Variants in CCDC91 observed in about 807,000 individuals in gnomAD.
CCDC91 encodes coiled-coil domain containing 91, also known as coiled-coil domain-containing protein 91.
A neutral mutation model predicts 63.2 loss-of-function variants in CCDC91; 48 were observed. The observed-to-expected ratio is 0.76, with a 90% CI of 0.60 to 0.97. The LOEUF is 0.97. CCDC91 is among the 50% of genes least tolerant of loss of function. The pLI is 0.00. For missense variants in CCDC91, 500 were observed against 494.6 expected (o/e 1.01, Z -0.10); for synonymous variants, 167 against 165.8 (o/e 1.01, Z -0.06).
At chr12:28,237,265 CAT>C (rs1491297699) in intron 1 of CCDC91, among the ~76,000 whole-genome samples, 92 of 151,362 alleles carry the variant, frequency 6.1e-4, no homozygotes, top group Admixed American at 1.7e-3. Context: ...CACACACACA[CAT>C]TTTTTAAAAA....
At chr12:28,386,221 T>G (rs1311183051) in intron 7 of CCDC91, among the ~76,000 whole-genome samples, 1 of 152,198 alleles carries the variant, frequency 6.6e-6, no homozygotes, top group Non-Finnish European at 1.5e-5. Flanking sequence ...TATATATTTA[T>G]GTAATATCAG....
chr12:28,335,139 T>C (rs1202085801), intron 6 of CCDC91, among the ~76,000 whole-genome samples: 1 of 142,320 alleles, frequency 7.0e-6, no homozygotes, highest in Non-Finnish European at 1.5e-5. Flanking sequence ...ATATTTATAT[T>C]ATATATATTT....
chr12:28,391,263 G>A (rs1945924852), intron 7 of CCDC91, 41 bp from the exon 8 acceptor site: 1 of 1,250,658 alleles, frequency 8.0e-7, no homozygotes, highest in Non-Finnish European at 1.2e-6. Context: ...AGATTCCCAA[G>A]TTTTGTCTGT....
intron 7 of CCDC91, among the ~76,000 whole-genome samples, chr12:28,375,315 T>A (rs186275210): frequency 8.8e-4 from 134 of 152,056 alleles, no homozygotes; most frequent in South Asian, 4.8e-3. Flanking sequence ...CAGATTTTTT[T>A]AGTGTAGCAA....
chr12:28,438,536 A>G (rs1949024346), intron 8 of CCDC91, among the ~76,000 whole-genome samples: 1 of 152,182 alleles, frequency 6.6e-6, no homozygotes, highest in Non-Finnish European at 1.5e-5. Context: ...CAGCAGCACA[A>G]ATGGACTAAG....
intron 12 of CCDC91, among the ~76,000 whole-genome samples, chr12:28,523,808 G>C (rs928332283): frequency 6.6e-6 from 1 of 152,088 alleles, no homozygotes; most frequent in Non-Finnish European, 1.5e-5. Context: ...TGTCTGTAAA[G>C]GATTTTATTT....
In CCDC91 at chr12:28,206,674, A is replaced by G. The variant is rs1420909210; in HGVS notation, c.-15+16033A>G. ...TTCTATAATACCTGATGTTTTCTCT[A>G]TAGGTCGTAAGTGCCAGTGGCTGCA... On this transcript the variant is annotated intron_variant, in intron 1 of 12. Coordinates refer to ENST00000536442, the MANE Select transcript of CCDC91 (RefSeq NM_018318.5). Among the ~76,000 whole-genome samples the G allele has an allele frequency of 3.3e-5, 5 of 152,166 alleles. 1 individual carries two copies. In the South Asian group the frequency reaches 1.0e-3, roughly 32 times the overall value.
chr12:28,413,845 A>G (rs778940843), intron 8 of CCDC91, among the ~76,000 whole-genome samples: 1 of 152,246 alleles, frequency 6.6e-6, no homozygotes. Context: ...TTTCCTGGAC[A>G]GTAAACAAGG....
At chr12:28,239,451 C>G (rs935613113) in intron 1 of CCDC91, among the ~76,000 whole-genome samples, 1 of 152,054 alleles carries the variant, frequency 6.6e-6, no homozygotes, top group African/African-American at 2.4e-5. Context: ...GAAAGTGATG[C>G]AGTAAACCCT....
Position 28,306,759 on chromosome 12 carries a change from C to T in CCDC91, c.285C>T (p.His95=). 6.2e-7 allele frequency: 1 copy of T among 1,608,928 alleles called. No individual in the cohort carries two copies. The highest frequency in any genetic ancestry group is 8.5e-7 in the Non-Finnish European group (1 of 1,176,682). Residue 95 remains histidine, a synonymous_variant, in exon 5 of 13, where the codon CAC becomes CAT. Transcript: ENST00000536442. ...IPKAQIQQST[H]THLDISLFPL... ...TGGTTTAGATTCAGCAATCAACACA[C>T]ACTCATCTGGATATCTCACTTTTTC...
At chr12:28,432,387 C>T (rs1268458803) in intron 8 of CCDC91, among the ~76,000 whole-genome samples, 1 of 152,040 alleles carries the variant, frequency 6.6e-6, no homozygotes, top group Non-Finnish European at 1.5e-5. Flanking sequence ...TTTCCCCATG[C>T]TGTTCTCGTG....
At chr12:28,409,310 T>A (rs1947167998) in intron 8 of CCDC91, among the ~76,000 whole-genome samples, 1 of 152,176 alleles carries the variant, frequency 6.6e-6, no homozygotes, top group African/African-American at 2.4e-5. Flanking sequence ...TGAACAAATG[T>A]ATATACCTGT....
chr12:28,417,812 C>T (rs1486003870), intron 8 of CCDC91, among the ~76,000 whole-genome samples: 1 of 152,032 alleles, frequency 6.6e-6, no homozygotes, highest in Non-Finnish European at 1.5e-5. Context: ...CAATGCCGTA[C>T]ATTAAGTATG....
At chr12:28,511,521 C>T (rs555985033) in intron 12 of CCDC91, among the ~76,000 whole-genome samples, 1 of 151,856 alleles carries the variant, frequency 6.6e-6, no homozygotes, top group Admixed American at 6.6e-5. Flanking sequence ...TCTGTTTTCC[C>T]CTCAAGAAGA....
At chr12:28,479,230 T>C (rs1365765427) in intron 11 of CCDC91, among the ~76,000 whole-genome samples, 1 of 152,088 alleles carries the variant, frequency 6.6e-6, no homozygotes, top group East Asian at 1.9e-4. Context: ...CCATCAATGA[T>C]AGACACGATT....
At chr12:28,339,701 G>T (rs1441014273) in intron 6 of CCDC91, among the ~76,000 whole-genome samples, 1 of 152,084 alleles carries the variant, frequency 6.6e-6, no homozygotes, top group Non-Finnish European at 1.5e-5. Flanking sequence ...TGCAGGTTTT[G>T]GTATTTGCCT....
chr12:28,375,150 T>A (rs1944866354), intron 7 of CCDC91, among the ~76,000 whole-genome samples: 1 of 151,974 alleles, frequency 6.6e-6, no homozygotes, highest in African/African-American at 2.4e-5. Context: ...TTAAACTATT[T>A]TAGTTTCTTC....
intron 3 of CCDC91, among the ~76,000 whole-genome samples, chr12:28,291,071 A>T (rs1414896252): frequency 6.6e-6 from 1 of 152,320 alleles, no homozygotes; most frequent in South Asian, 2.1e-4. Context: ...AAATCATTAT[A>T]ACTAGGCTTG....
intron 12 of CCDC91, among the ~76,000 whole-genome samples, chr12:28,503,841 A>T (rs2141179369): frequency 6.6e-6 from 1 of 152,198 alleles, no homozygotes; most frequent in South Asian, 2.1e-4. Flanking sequence ...AAGGACAAAA[A>T]ACCAAACACC....
Sources: gnomAD v4.1 joint callset for allele counts (sites outside exome capture counted in the v4.1 genomes callset) on GRCh38, gnomAD v4.1.1 for gene constraint, MANE v1.5 for transcripts, NCBI Gene and HGNC (gene_info 2026-07-23, HGNC 2026-07-21) for gene names.